The following SIM2 variants were observed in gnomAD, a reference collection of about 807,000 sequenced individuals.
SIM2 encodes the protein single-minded homolog 2.
SIM2 carries 28 observed loss-of-function variants against 64.8 expected under a neutral mutation model. That is an observed-to-expected ratio of 0.43 (90% CI 0.32 to 0.59). SIM2 has a LOEUF of 0.59. Ranked by LOEUF, SIM2 falls within the 20% of genes least tolerant of loss-of-function variation. The pLI is 0.07. For missense variants in SIM2, 847 were observed against 871.4 expected, an observed-to-expected ratio of 0.97 and a Z score of 0.35; for synonymous variants, 408 against 391.1, an observed-to-expected ratio of 1.04 and a Z score of -0.51.
At position 36,745,927 on chromosome 21, in the gene SIM2, C is replaced by A; in HGVS notation, c.1576+791C>A. 1 of 1,267,370 alleles carries A rather than the reference C, an allele frequency of 7.9e-7. No individual in the cohort carries two copies. The highest frequency in any genetic ancestry group is 1.3e-5 in the South Asian group (1 of 78,492). 78.5% of individuals were successfully genotyped at this position (1,267,370 alleles called of 1,614,324 possible). A position where few individuals can be genotyped will look rare whatever the true frequency, so the allele number is the denominator to read the frequency against. ...GGTTTAGCTGCAGGACATGTATTCC[C>A]ATTGCACCGAGACCTAACTGCCGCT... On this transcript the variant is annotated intron_variant, in intron 10 of 10. Transcript: ENST00000290399. This position sits in a 1 kb window ranked among gnomAD's most constrained non-coding sequence, Gnocchi z 4.8.
At chr21:36,715,312 G>C (rs1366885098) in intron 3 of SIM2, among the ~76,000 whole-genome samples, 1 of 152,148 alleles carries the variant, frequency 6.6e-6, no homozygotes, top group Non-Finnish European at 1.5e-5. Flanking sequence ...TACTTAAATA[G>C]TAAAATAAAG....
At position 36,747,343 on chromosome 21, in the gene SIM2, C is replaced by CAA. The variant is rs537543938; in HGVS notation, c.1577-309_1577-308dup. On this transcript the variant is annotated intron_variant, in intron 10 of 10. Transcript: ENST00000290399. The surrounding 1 kb of genome is among the most constrained non-coding windows in gnomAD (Gnocchi z 4.5). ...TGACCTGCGCTCTGCATCTCAGGAC[C>CAA]AAAAAAAAAAAAAAGAAAATATCCC... is the stretch of plus-strand genomic sequence containing the variant. Among the ~76,000 whole-genome samples, 94 of 117,596 alleles carry CAA rather than the reference C, an allele frequency of 8.0e-4. No homozygotes were observed. The highest frequency in any genetic ancestry group is 1.1e-3 in the Non-Finnish European group (62 of 54,420). 77.1% of individuals were successfully genotyped at this position (117,596 alleles called of 152,430 possible).
intron 5 of SIM2, among the ~76,000 whole-genome samples, chr21:36,723,697 C>A (rs763240883): frequency 6.6e-6 from 1 of 152,204 alleles, no homozygotes; most frequent in Admixed American, 6.5e-5. Context: ...AGAGGAGGGA[C>A]GGCAGAAGGG....
At chr21:36,742,122 C>T (rs2089169284) in intron 8 of SIM2, among the ~76,000 whole-genome samples, 1 of 151,962 alleles carries the variant, frequency 6.6e-6, no homozygotes, top group Non-Finnish European at 1.5e-5. Flanking sequence ...CTGGGCATAG[C>T]TTCGGATCCC....
intron 7 of SIM2, among the ~76,000 whole-genome samples, chr21:36,734,030 T>C (rs1360912097): frequency 6.6e-6 from 1 of 152,076 alleles, no homozygotes; most frequent in African/African-American, 2.4e-5. Context: ...TCCCAGGTGA[T>C]CAGGGTGAGA....
chr21:36,708,839 T>A (rs995188821), intron 1 of SIM2, among the ~76,000 whole-genome samples: 1 of 152,196 alleles, frequency 6.6e-6, no homozygotes, highest in Non-Finnish European at 1.5e-5. Flanking sequence ...GCAGATTAGA[T>A]TACTTTGTGG....
chr21:36,745,229 C>A lies in SIM2; in HGVS notation c.1576+93C>A, dbSNP rs768527730. On this transcript the variant is annotated intron_variant, in intron 10 of 10. Coordinates refer to ENST00000290399, the MANE Select transcript of SIM2 (RefSeq NM_005069.6). The surrounding 1 kb of genome is among the most constrained non-coding windows in gnomAD (Gnocchi z 4.8). ...CGGTGGGTGGCAGATGGAGACAGAA[C>A]CCTCACGCTTTGGGCAAACTTGCCC... The A allele has an allele frequency of 4.4e-5, 66 of 1,491,410 alleles. No individual in the cohort carries two copies. Among genetic ancestry groups the A allele is most frequent in the Admixed American group, 1.9e-4 (8 of 42,142 alleles). The allele number at this position is 1,491,410 out of a possible 1,614,324, so 92.4% of individuals were successfully genotyped here. A position where few individuals can be genotyped will look rare whatever the true frequency, so the allele number is the denominator to read the frequency against.
intron 3 of SIM2, among the ~76,000 whole-genome samples, chr21:36,713,059 G>A (rs2088698164): frequency 6.6e-6 from 1 of 152,212 alleles, no homozygotes; most frequent in Non-Finnish European, 1.5e-5. Context: ...TGTTCTTTGG[G>A]GAGAGAGAAT....
In SIM2 at chr21:36,723,054, T is replaced by C. The variant is rs374780734; in HGVS notation, c.467T>C (p.Ile156Thr). The C allele has an allele frequency of 1.0e-4, 161 of 1,613,858 alleles. No individual in the cohort carries two copies. In the South Asian group the frequency reaches 1.7e-3, roughly 17 times the overall value. The change falls in exon 5 of 11, where the codon ATA becomes ACA. Residue 156 changes from isoleucine (I) to threonine (T), a missense_variant. Physicochemically the swap from Ile to Thr is moderately conservative, Grantham distance 89. Around this residue, in one of 3 missense-constraint regions of SIM2, gnomAD observed 397 missense variants for 439.2 expected, o/e 0.90. Transcript: ENST00000290399. The part of the protein sequence containing the change: ...LHHHLLQEYE[I>T]ERSFFLRMKC... ...TTGCTCCTGCTTGCAGAGTATGAGA[T>C]AGAGAGGTCGTTCTTTCTTCGAATG...
chr21:36,709,464 C>G lies in SIM2; in HGVS notation c.258+214C>G, dbSNP rs1233243375. ...CCCTACCCTAACCCTACGTCTGCCC[C>G]CACACCCCGCCGAAGGCCCCAGGAC... On this transcript the variant is annotated intron_variant, in intron 2 of 10. Coordinates refer to ENST00000290399, the MANE Select transcript of SIM2 (RefSeq NM_005069.6). 4.4e-6 allele frequency: 3 copies of G among 684,144 alleles called. No individual in the cohort carries two copies. The South Asian group carries it at 4.5e-5, about 10-fold the overall frequency. 42.4% of individuals were successfully genotyped at this position (684,144 alleles called of 1,614,324 possible).
rs1409299992 is a variant in SIM2, at chr21:36,748,662, A to G, written c.*570A>G. ...TTGTTTTTATTTAACCCTTTCTTCA[A>G]TACAAAAAGCCAACAAACCAAGACT... On this transcript the variant is annotated 3_prime_UTR_variant, in exon 11 of 11. Transcript: ENST00000290399. The G allele has an allele frequency of 2.0e-5, 3 of 152,496 alleles. No homozygotes were observed. Among genetic ancestry groups the G allele is most frequent in the African/African-American group, 7.2e-5 (3 of 41,454 alleles). The allele number at this position is 152,496 out of a possible 1,614,324, so 9.4% of individuals were successfully genotyped here.
chr21:36,737,944 A>G (rs996777813), intron 7 of SIM2, among the ~76,000 whole-genome samples: 2 of 135,544 alleles, frequency 1.5e-5, no homozygotes, highest in African/African-American at 2.8e-5. Flanking sequence ...CCTGGGCAAA[A>G]GAGCAAGACC....
Position 36,726,923 on chromosome 21 carries a change from C to G in SIM2, c.743+605C>G, listed in dbSNP as rs1037004707. ...CCTGGCCTTGGGGAGTACCTCTCTC[C>G]AGACCCGTGCTGGAGTGGCCTTCAC... On this transcript the variant is annotated intron_variant, in intron 6 of 10. Coordinates refer to ENST00000290399, the MANE Select transcript of SIM2 (RefSeq NM_005069.6). This position sits in a 1 kb window ranked among gnomAD's most constrained non-coding sequence, Gnocchi z 4.5. Among the ~76,000 whole-genome samples, 1 of 152,216 alleles carries G rather than the reference C, an allele frequency of 6.6e-6. No individual in the cohort carries two copies. The highest frequency in any genetic ancestry group is 2.4e-5 in the African/African-American group (1 of 41,450).
intron 2 of SIM2, among the ~76,000 whole-genome samples, chr21:36,711,712 G>A (rs2088679754): frequency 6.6e-6 from 1 of 152,088 alleles, no homozygotes; most frequent in Non-Finnish European, 1.5e-5. Context: ...CTTTTCTTTG[G>A]TTCTGGATCT....
intron 1 of SIM2, among the ~76,000 whole-genome samples, chr21:36,707,768 G>A (rs1322599396): frequency 6.6e-6 from 1 of 151,958 alleles, no homozygotes; most frequent in Non-Finnish European, 1.5e-5. Context: ...ACTGCACGGC[G>A]ACTCCTCGGG....
At position 36,747,661 on chromosome 21, in the gene SIM2, G is replaced by A. The variant is rs1446460648; in HGVS notation, c.1577-4G>A. ...GCCCTCTAACGTGTCGCCTGTCCCC[G>A]CAGCGCCCGCCGCCGCCGTGCGCAG... On this transcript the variant is annotated splice_polypyrimidine_tract_variant and splice_region_variant and intron_variant, in intron 10 of 10. Coordinates refer to ENST00000290399, the MANE Select transcript of SIM2 (RefSeq NM_005069.6). This position sits in a 1 kb window ranked among gnomAD's most constrained non-coding sequence, Gnocchi z 4.5. The A allele has an allele frequency of 1.6e-6, 2 of 1,248,050 alleles. No homozygotes were observed. The highest frequency in any genetic ancestry group is 2.0e-6 in the Non-Finnish European group (2 of 996,844). 77.3% of individuals were successfully genotyped at this position (1,248,050 alleles called of 1,614,324 possible). A position where few individuals can be genotyped will look rare whatever the true frequency, so the allele number is the denominator to read the frequency against.
At chr21:36,731,910 T>C (rs2088973918) in intron 7 of SIM2, among the ~76,000 whole-genome samples, 2 of 151,876 alleles carry the variant, frequency 1.3e-5, no homozygotes, top group African/African-American at 2.4e-5. Context: ...TGAGACAGAG[T>C]CTTGTTCTGT....
chr21:36,730,343 G>A (rs2088949986), intron 6 of SIM2, among the ~76,000 whole-genome samples: 1 of 152,254 alleles, frequency 6.6e-6, no homozygotes, highest in Non-Finnish European at 1.5e-5. Context: ...GATAGCCTTG[G>A]AAACATCATG....
intron 7 of SIM2, among the ~76,000 whole-genome samples, chr21:36,737,961 CA>C (rs61252184): frequency 0.036 from 1,235 of 34,088 alleles, 4 homozygotes; most frequent in Middle Eastern, 0.1. Flanking sequence ...GACCCTGTCT[CA>C]AAAAAAAAAA....
Sources: allele counts gnomAD v4.1 joint callset (sites outside exome capture counted in the v4.1 genomes callset), GRCh38; gene constraint gnomAD v4.1.1; regional missense constraint gnomAD v4.1.1; non-coding constraint Gnocchi (gnomAD v3.1); transcripts MANE v1.5; gene names NCBI Gene and HGNC (gene_info 2026-07-23, HGNC 2026-07-21).